Variants in CEP85 observed in about 807,000 individuals in gnomAD.
The protein encoded by CEP85 is centrosomal protein 85, also known as centrosomal protein of 85 kDa.
Under a neutral mutation model 93.7 loss-of-function variants are expected in CEP85, and 58 were observed. The observed-to-expected ratio is 0.62, with a 90% CI of 0.50 to 0.77. The LOEUF (loss-of-function observed/expected upper bound fraction) is 0.77, where lower values mean the gene tolerates loss of function less well. CEP85 is among the 30% of genes least tolerant of loss of function. The pLI is 0.00. For synonymous variants in CEP85, 314 were observed against 338.6 expected (o/e 0.93, Z 0.80); for missense variants, 868 against 922.0 (o/e 0.94, Z 0.76).
intron 3 of CEP85, among the ~76,000 whole-genome samples, chr1:26,252,261 A>G (rs529460964): frequency 7.1e-5 from 10 of 140,978 alleles, no homozygotes; most frequent in Non-Finnish European, 1.1e-4. Context: ...GGCCGGGGGC[A>G]GTGGCTCACA....
chr1:26,278,439 C>T lies in CEP85; in HGVS notation c.*1146C>T, dbSNP rs761605314. ...CTGGAGCCAGGCCAGGCAGGGGCCA[C>T]GTGTGGGCCAGTCAGCCACTACAAG... is the stretch of plus-strand genomic sequence containing the variant. On this transcript the variant is annotated 3_prime_UTR_variant, in exon 14 of 14. Coordinates refer to ENST00000451429, the MANE Select transcript of CEP85 (RefSeq NM_001319944.2). 1.8e-4 allele frequency: 27 copies of T among 152,702 alleles called. No individual in the cohort carries two copies. Among genetic ancestry groups the T allele is most frequent in the Admixed American group, 1.6e-3 (25 of 15,290 alleles). The allele number at this position is 152,702 out of a possible 1,614,324, so 9.5% of individuals were successfully genotyped here. A position where few individuals can be genotyped will look rare whatever the true frequency, so the allele number is the denominator to read the frequency against.
In CEP85 at chr1:26,268,515, G is replaced by A. The variant is rs780039203; in HGVS notation, c.1374G>A (p.Leu458=). The change falls in exon 8 of 14, where the codon TTG becomes TTA. Residue 458 remains leucine, a synonymous_variant. Coordinates refer to ENST00000451429, the MANE Select transcript of CEP85 (RefSeq NM_001319944.2). ...GTCGTGATAAACATATCAATAATTT[G>A]AAAAAGAAATGCCAGAAGGAATCAG... is the stretch of plus-strand genomic sequence containing the variant. ...VKGRDKHINN[L]KKKCQKESEQ... The A allele has an allele frequency of 1.2e-6, 2 of 1,613,988 alleles. No individual in the cohort carries two copies. The highest frequency in any genetic ancestry group is 1.1e-5 in the South Asian group (1 of 91,078).
intron 3 of CEP85, among the ~76,000 whole-genome samples, chr1:26,248,526 C>T (rs1325847411): frequency 1.3e-5 from 2 of 151,920 alleles, no homozygotes; most frequent in African/African-American, 2.4e-5. Context: ...GAGACAGAGT[C>T]GCTCTGTCGC....
At chr1:26,271,501 G>A in intron 10 of CEP85, 1 of 172,006 alleles carries the variant, frequency 5.8e-6, no homozygotes, top group Non-Finnish European at 1.2e-5. Context: ...GAGAGCCAGG[G>A]GCCGGCTGGT....
intron 2 of CEP85, among the ~76,000 whole-genome samples, chr1:26,243,396 A>T (rs1338300148): frequency 1.3e-5 from 2 of 152,150 alleles, no homozygotes; most frequent in Non-Finnish European, 2.9e-5. Context: ...TACACATTGA[A>T]GAATGGTCAT....
At chr1:26,258,961 G>T (rs1302639427) in intron 6 of CEP85, among the ~76,000 whole-genome samples, 2 of 152,050 alleles carry the variant, frequency 1.3e-5, no homozygotes, top group African/African-American at 2.4e-5. Context: ...GAGATCAATG[G>T]TTGTGGGGCT....
chr1:26,257,998 T>C, intron 5 of CEP85, 145 bp from the exon 6 acceptor site: 1 of 731,224 alleles, frequency 1.4e-6, no homozygotes, highest in South Asian at 1.7e-5. Flanking sequence ...CCCAGTTATC[T>C]TTCTCATTTG....
chr1:26,246,399 C>T (rs1283749190), intron 3 of CEP85, among the ~76,000 whole-genome samples: 1 of 152,008 alleles, frequency 6.6e-6, no homozygotes, highest in East Asian at 1.9e-4. Context: ...GAATATTATT[C>T]AGCAATAAAA....
intron 1 of CEP85, among the ~76,000 whole-genome samples, chr1:26,235,612 G>A (rs539107536): frequency 1.1e-5 from 1 of 89,026 alleles, no homozygotes; most frequent in Admixed American, 1.6e-4. Flanking sequence ...TGCTCTTGTT[G>A]CCCAGGCTGG....
chr1:26,277,241 C>A lies in CEP85; in HGVS notation c.2234C>A (p.Thr745Asn). 6.2e-7 allele frequency: 1 copy of A among 1,614,176 alleles called. No individual in the cohort carries two copies. Among genetic ancestry groups the A allele is most frequent in the Non-Finnish European group, 8.5e-7 (1 of 1,179,984 alleles). Residue 745 changes from threonine to asparagine, a missense_variant, in exon 14 of 14, where the codon ACC (threonine) becomes AAC (asparagine). Coordinates refer to ENST00000451429, the MANE Select transcript of CEP85 (RefSeq NM_001319944.2). ...LRRDIEDLRT[T>N]MSDRYAQDMG... is the part of the protein sequence containing the mutation. ...CGTGACATTGAGGACTTAAGGACCA[C>A]CATGTCAGACAGATATGCCCAGGAC... is the stretch of plus-strand genomic sequence containing the variant.
intron 7 of CEP85, among the ~76,000 whole-genome samples, chr1:26,266,249 A>C (rs989239516): frequency 1.3e-5 from 2 of 152,044 alleles, no homozygotes; most frequent in Non-Finnish European, 2.9e-5. Context: ...TTAGCTGGGC[A>C]TGGTGGTACA....
chr1:26,271,193 G>T, intron 10 of CEP85, 86 bp downstream of exon 10: 3 of 802,836 alleles, frequency 3.7e-6, no homozygotes, highest in Non-Finnish European at 6.3e-6. Context: ...TGAATTCTTG[G>T]CTTTGGGCTA....
At chr1:26,237,196 T>A (rs968369717) in intron 1 of CEP85, among the ~76,000 whole-genome samples, 13 of 149,856 alleles carry the variant, frequency 8.7e-5, no homozygotes, top group African/African-American at 2.9e-4. Flanking sequence ...TGTCTTAGAA[T>A]TTTTTTTTTG....
At chr1:26,262,354 T>C (rs2124594266) in intron 7 of CEP85, among the ~76,000 whole-genome samples, 1 of 152,116 alleles carries the variant, frequency 6.6e-6, no homozygotes, top group Non-Finnish European at 1.5e-5. Flanking sequence ...GGTGGGCTCC[T>C]GTAACCTCAG....
At chr1:26,234,482 C>T (rs796489079) in intron 1 of CEP85, among the ~76,000 whole-genome samples, 172 bp downstream of exon 1, 3 of 152,332 alleles carry the variant, frequency 2.0e-5, no homozygotes, top group African/African-American at 7.2e-5. Context: ...CCTCTCGCGT[C>T]CCATTCCCCT....
intron 2 of CEP85, among the ~76,000 whole-genome samples, chr1:26,241,928 A>G (rs2089433966): frequency 6.6e-6 from 1 of 151,582 alleles, no homozygotes; most frequent in African/African-American, 2.4e-5. Context: ...CACCTGGCTA[A>G]TTTTTTTGTA....
intron 12 of CEP85, 71 bp from the exon 13 acceptor site, chr1:26,276,464 A>T: frequency 8.0e-7 from 1 of 1,249,000 alleles, no homozygotes; most frequent in Non-Finnish European, 1.2e-6. Context: ...TTCCACACCC[A>T]CACACTCATG....
chr1:26,275,146 C>T (rs2090035445), intron 12 of CEP85, 75 bp downstream of exon 12: 1 of 1,084,552 alleles, frequency 9.2e-7, no homozygotes, highest in East Asian at 2.6e-5. Flanking sequence ...CCCATCTCTA[C>T]CCCAATAAGA....
chr1:26,266,223 GT>G (rs2089893043), intron 7 of CEP85, among the ~76,000 whole-genome samples: 1 of 151,006 alleles, frequency 6.6e-6, no homozygotes, highest in African/African-American at 2.4e-5. Flanking sequence ...AAAAAAAATT[GT>G]TTTTTCTTTA....
Sources: allele counts gnomAD v4.1 joint callset (sites outside exome capture counted in the v4.1 genomes callset), GRCh38; gene constraint gnomAD v4.1.1; transcripts MANE v1.5; gene names NCBI Gene and HGNC (gene_info 2026-07-23, HGNC 2026-07-21).